Variants in TTF2 observed in about 807,000 individuals in gnomAD.
TTF2 encodes transcription termination factor 2.
A neutral mutation model predicts 142.4 loss-of-function variants in TTF2; 108 were observed. The ratio of observed to expected loss-of-function variants is 0.76; its 90% CI spans 0.65 to 0.89. The LOEUF (loss-of-function observed/expected upper bound fraction) is 0.89. TTF2 is among the 40% of genes least tolerant of loss of function. TTF2 has a pLI of 0.00. For synonymous variants in TTF2, 483 were observed against 506.2 expected, an observed-to-expected ratio of 0.95 and a Z score of 0.61; for missense variants, 1,327 against 1,379.8, an observed-to-expected ratio of 0.96 and a Z score of 0.61.
At position 117,063,649 on chromosome 1, in the gene TTF2, C is replaced by G. The variant is rs554135643; in HGVS notation, c.218+1176C>G. ...GTGCCTATTTGCCATCAGAAAATCTCGACGTTATCTGTTTAAATATTTTAT... is the reference window on the plus strand; with the variant it reads ...GTGCCTATTTGCCATCAGAAAATCTGGACGTTATCTGTTTAAATATTTTAT... On this transcript the variant is annotated intron_variant, in intron 3 of 22. Transcript: ENST00000369466. The surrounding 1 kb of genome is among the most constrained non-coding windows in gnomAD (Gnocchi z 4.1). Among the ~76,000 whole-genome samples, 1 of 152,226 alleles carries G rather than the reference C, an allele frequency of 6.6e-6. No individual in the cohort carries two copies. The highest frequency in any genetic ancestry group is 1.9e-4 in the East Asian group (1 of 5,182).
intron 3 of TTF2, among the ~76,000 whole-genome samples, chr1:117,068,105 C>G (rs1299649632): frequency 6.6e-6 from 1 of 152,222 alleles, no homozygotes; most frequent in Admixed American, 6.5e-5. Flanking sequence ...CCCTGGTATA[C>G]AAATTTTGGG....
At chr1:117,060,736 A>G (rs939586247) in intron 2 of TTF2, among the ~76,000 whole-genome samples, 179 bp downstream of exon 2, 6 of 152,202 alleles carry the variant, frequency 3.9e-5, no homozygotes, top group African/African-American at 1.2e-4. Flanking sequence ...GAAGACGCCC[A>G]GCTAATTCTG....
intron 2 of TTF2, among the ~76,000 whole-genome samples, chr1:117,062,135 G>A (rs1655732628): frequency 2.0e-5 from 3 of 152,172 alleles, no homozygotes; most frequent in Non-Finnish European, 4.4e-5. Flanking sequence ...AGATTACACA[G>A]TGCAGTGTGG....
In TTF2 at chr1:117,096,204, A is replaced by C. The variant is rs534826615; in HGVS notation, c.3091A>C (p.Lys1031Gln). The change falls in exon 20 of 23, where the codon AAG (lysine) becomes CAG (glutamine). Residue 1031 changes from lysine to glutamine, a missense_variant. By Grantham distance (53) the Lys-to-Gln change is moderately conservative. Transcript: ENST00000369466. ...GAAAGTTGTAGCATTGCACCTGAAGAAGCATGGACTGACTTATGCCACCAT... is the reference window on the plus strand; with the variant it reads ...GAAAGTTGTAGCATTGCACCTGAAGCAGCATGGACTGACTTATGCCACCAT... ...MLKVVALHLK[K>Q]HGLTYATIDG... 4 of 1,614,144 alleles carry C rather than the reference A, an allele frequency of 2.5e-6. No homozygotes were observed. Among genetic ancestry groups the C allele is most frequent in the Admixed American group, 3.3e-5 (2 of 60,020 alleles).
chr1:117,086,503 G>A lies in TTF2; in HGVS notation c.2141G>A (p.Gly714Asp). Reference protein sequence around the residue: ...PTNKQEAEIPGANLNVEGTST... With the variant: ...PTNKQEAEIPDANLNVEGTST... ...AACAAGCAAGAGGCAGAGATCCCAG[G>A]TGCAAACCTCAATGTGGAGGTGAGG... is the stretch of plus-strand genomic sequence containing the variant. The change falls in exon 12 of 23, where the codon GGT becomes GAT. Residue 714 changes from glycine to aspartate, a missense_variant. Gly to Asp is a moderately conservative substitution (Grantham distance 94). Coordinates refer to ENST00000369466, the MANE Select transcript of TTF2 (RefSeq NM_003594.4). This position sits in a 1 kb window ranked among gnomAD's most constrained non-coding sequence, Gnocchi z 4.2. 6.2e-7 allele frequency: 1 copy of A among 1,613,948 alleles called. No homozygotes were observed. Among genetic ancestry groups the A allele is most frequent in the Non-Finnish European group, 8.5e-7 (1 of 1,179,904 alleles).
rs749330741 is a variant in TTF2 at position 117,097,472 on chromosome 1, T to C, written c.3269+39T>C. 3 of 1,590,712 alleles carry C rather than the reference T, an allele frequency of 1.9e-6. No individual in the cohort carries two copies. The highest frequency in any genetic ancestry group is 1.3e-5 in the African/African-American group (1 of 74,438). ...ATTTGTCCTGGGTTGTCACAGCACATCAAGGAGGCCAGTGGGCTACAGGGG... is the reference window on the plus strand; with the variant it reads ...ATTTGTCCTGGGTTGTCACAGCACACCAAGGAGGCCAGTGGGCTACAGGGG... On this transcript the variant is annotated intron_variant, in intron 21 of 22. Coordinates refer to ENST00000369466, the MANE Select transcript of TTF2 (RefSeq NM_003594.4). This position sits in a 1 kb window ranked among gnomAD's most constrained non-coding sequence, Gnocchi z 4.1.
chr1:117,100,248 C>T lies in TTF2; in HGVS notation c.3345-1132C>T, dbSNP rs1016268786. On this transcript the variant is annotated intron_variant, in intron 22 of 22. Transcript: ENST00000369466. The surrounding 1 kb of genome is among the most constrained non-coding windows in gnomAD (Gnocchi z 4.6). Reference sequence around the variant, plus strand: ...CTTTGTGAATAGTATCACTCTTTATCTAATTATCTAGCCAGAACTAGACTC... The same window carrying T: ...CTTTGTGAATAGTATCACTCTTTATTTAATTATCTAGCCAGAACTAGACTC... Among the ~76,000 whole-genome samples, 18 of 152,224 alleles carry T rather than the reference C, an allele frequency of 1.2e-4. No homozygotes were observed. Among genetic ancestry groups the T allele is most frequent in the African/African-American group, 4.1e-4 (17 of 41,452 alleles).
chr1:117,091,098 G>A (rs1208235465), intron 15 of TTF2, among the ~76,000 whole-genome samples: 1 of 151,938 alleles, frequency 6.6e-6, no homozygotes, highest in Non-Finnish European at 1.5e-5. Flanking sequence ...CATTTCTAAT[G>A]TAAATATATT....
Position 117,076,287 on chromosome 1 carries a change from A to G in TTF2, c.1383A>G (p.Pro461=). The change falls in exon 6 of 23, where the codon CCA becomes CCG. Residue 461 remains proline (P), a synonymous_variant. Coordinates refer to ENST00000369466, the MANE Select transcript of TTF2 (RefSeq NM_003594.4). The surrounding 1 kb of genome is among the most constrained non-coding windows in gnomAD (Gnocchi z 4.6). ...TACTCAGTGGTCTTACCCTTTCCCCAGAGCAAGGTAAAGTGGCTTATGCCT... is the reference window on the plus strand; with the variant it reads ...TACTCAGTGGTCTTACCCTTTCCCCGGAGCAAGGTAAAGTGGCTTATGCCT... ...EEVLSGLTLS[P]EQGTNEKSNS... The G allele has an allele frequency of 6.2e-7, 1 of 1,613,550 alleles. No individual in the cohort carries two copies. Among genetic ancestry groups the G allele is most frequent in the South Asian group, 1.1e-5 (1 of 91,030 alleles).
Position 117,095,384 on chromosome 1 carries a change from A to G in TTF2, c.3035+17A>G. The G allele has an allele frequency of 6.2e-7, 1 of 1,612,492 alleles. No individual in the cohort carries two copies. Among genetic ancestry groups the G allele is most frequent in the Non-Finnish European group, 8.5e-7 (1 of 1,178,526 alleles). ...CCAAAAGAGGTAACTGCGTTTTCTC[A>G]TTATCCAAGTATTGGTCATAATTAT... is the stretch of plus-strand genomic sequence containing the variant. On this transcript the variant is annotated intron_variant, in intron 19 of 22. Transcript: ENST00000369466.
In TTF2 at chr1:117,075,357, TTAC is replaced by T; in HGVS notation, c.774_776del (p.Thr259del). On this transcript the variant is annotated inframe_deletion, in exon 5 of 23. Coordinates refer to ENST00000369466, the MANE Select transcript of TTF2 (RefSeq NM_003594.4). The surrounding 1 kb of genome is among the most constrained non-coding windows in gnomAD (Gnocchi z 4.5). ...GAATCAGAACCTCTGAGAGAAAAGG[TTAC>T]CCAGCTTTTGCCTCAAAATGTTCAC... The T allele has an allele frequency of 6.2e-7, 1 of 1,614,114 alleles. No homozygotes were observed. Among genetic ancestry groups the T allele is most frequent in the Non-Finnish European group, 8.5e-7 (1 of 1,180,004 alleles).
At chr1:117,091,547 A>C in intron 16 of TTF2, 137 bp downstream of exon 16, 4 of 942,546 alleles carry the variant, frequency 4.2e-6, no homozygotes, top group Non-Finnish European at 6.2e-6. Flanking sequence ...ACCAGAGTAA[A>C]ATCTACTGAT....
At chr1:117,064,863 A>G (rs1655965005) in intron 3 of TTF2, among the ~76,000 whole-genome samples, 1 of 142,454 alleles carries the variant, frequency 7.0e-6, no homozygotes, top group Admixed American at 7.2e-5. Flanking sequence ...TAGCTTTTTC[A>G]TATAGGTCTA....
chr1:117,065,149 C>T (rs951878104), intron 3 of TTF2, among the ~76,000 whole-genome samples: 3 of 152,058 alleles, frequency 2.0e-5, no homozygotes, highest in African/African-American at 4.8e-5. Flanking sequence ...TTCAAGATTG[C>T]GTTGGCTGCT....
At position 117,090,735 on chromosome 1, in the gene TTF2, G is replaced by T; in HGVS notation, c.2588+112G>T. 3 of 863,914 alleles carry T rather than the reference G, an allele frequency of 3.5e-6. No homozygotes were observed. Among genetic ancestry groups the T allele is most frequent in the South Asian group, 1.7e-5 (1 of 60,226 alleles). 53.5% of individuals were successfully genotyped at this position (863,914 alleles called of 1,614,324 possible). A position where few individuals can be genotyped will look rare whatever the true frequency, so the allele number is the denominator to read the frequency against. On this transcript the variant is annotated intron_variant, in intron 15 of 22. Transcript: ENST00000369466. This position sits in a 1 kb window ranked among gnomAD's most constrained non-coding sequence, Gnocchi z 4.8. ...AACTTTATGGCATTATTGATTAGTT[G>T]GATGTCTGTATTCCCTTTTTTTTTT...
At position 117,076,817 on chromosome 1, in the gene TTF2, T is replaced by C; in HGVS notation, c.1567T>C (p.Tyr523His). The change falls in exon 7 of 23, where the codon TAT (tyrosine) becomes CAT (histidine). Residue 523 changes from tyrosine (Y) to histidine (H), a missense_variant. Physicochemically the swap from Tyr to His is moderately conservative, Grantham distance 83. Transcript: ENST00000369466. This position sits in a 1 kb window ranked among gnomAD's most constrained non-coding sequence, Gnocchi z 4.6. ...QVTAGGSSQC[Y>H]RGHTNQDHVH... is the part of the protein sequence containing the mutation. The stretch of plus-strand genomic sequence containing the variant: ...GACTGCTGGAGGATCCAGTCAGTGC[T>C]ATCGAGGTAAGACCCAAGGGCCTGA... 3 of 1,612,080 alleles carry C rather than the reference T, an allele frequency of 1.9e-6. No homozygotes were observed. Among genetic ancestry groups the C allele is most frequent in the Non-Finnish European group, 2.5e-6 (3 of 1,178,940 alleles).
rs766781930 is a variant in TTF2 at position 117,074,944 on chromosome 1, C to G, written c.360C>G (p.Asn120Lys). 6.8e-6 allele frequency: 11 copies of G among 1,613,716 alleles called. No homozygotes were observed. The highest frequency in any genetic ancestry group is 8.5e-6 in the Non-Finnish European group (10 of 1,179,954). ...CTGAGACATTTCATCATTCTTCCAACTGGCTGAGAAATCCATTCAAGGTAC... is the reference window on the plus strand; with the variant it reads ...CTGAGACATTTCATCATTCTTCCAAGTGGCTGAGAAATCCATTCAAGGTAC... ...HASETFHHSS[N>K]WLRNPFKVLD... The change falls in exon 5 of 23, where the codon AAC (asparagine) becomes AAG (lysine). Residue 120 changes from asparagine to lysine, a missense_variant. Transcript: ENST00000369466.
intron 8 of TTF2, among the ~76,000 whole-genome samples, chr1:117,078,843 A>G (rs1647229926): frequency 6.6e-6 from 1 of 152,254 alleles, no homozygotes; most frequent in Non-Finnish European, 1.5e-5. Flanking sequence ...AGTAGTGCAG[A>G]CTGGGACATT....
At position 117,106,737 on chromosome 1, in the gene TTF2, C is replaced by G. The variant is rs1490177442; in HGVS notation, c.*5213C>G. ...AAGAATGGAAATCAATATGTAAGAG[C>G]TCACAAGTCAGAGTGAGATGTTTCT... On this transcript the variant is annotated 3_prime_UTR_variant, in exon 23 of 23. Coordinates refer to ENST00000369466, the MANE Select transcript of TTF2 (RefSeq NM_003594.4). 6.6e-6 allele frequency: 1 copy of G among 152,190 alleles called. No homozygotes were observed. Among genetic ancestry groups the G allele is most frequent in the Non-Finnish European group, 1.5e-5 (1 of 68,038 alleles). The allele number at this position is 152,190 out of a possible 1,614,324, so 9.4% of individuals were successfully genotyped here.
Sources: allele counts gnomAD v4.1 joint callset (sites outside exome capture counted in the v4.1 genomes callset), GRCh38; gene constraint gnomAD v4.1.1; non-coding constraint Gnocchi (gnomAD v3.1); transcripts MANE v1.5; gene names NCBI Gene and HGNC (gene_info 2026-07-23, HGNC 2026-07-21).